INPP4A: variants seen among roughly 807,000 people sequenced by gnomAD.
The protein encoded by INPP4A is inositol polyphosphate-4-phosphatase type I A.
A neutral mutation model predicts 119.8 loss-of-function variants in INPP4A; 33 were observed. That is an observed-to-expected ratio of 0.28 (90% CI 0.21 to 0.37). The LOEUF is 0.37. Among genes scored for constraint, INPP4A ranks in the 10% least tolerant of loss-of-function variants. INPP4A has a pLI of 1.00. For synonymous variants in INPP4A, 496 were observed against 500.7 expected (o/e 0.99, Z 0.12); for missense variants, 956 against 1,289.9 (o/e 0.74, Z 3.97).
At chr2:98,556,548 A>T (rs2106245845) in intron 16 of INPP4A, among the ~76,000 whole-genome samples, 1 of 152,378 alleles carries the variant, frequency 6.6e-6, no homozygotes, top group South Asian at 2.1e-4. Flanking sequence ...TGTAAGAGCC[A>T]TAGAGTTACA....
At chr2:98,544,405 G>C (rs927907709) in intron 11 of INPP4A, among the ~76,000 whole-genome samples, 1 of 152,148 alleles carries the variant, frequency 6.6e-6, no homozygotes, top group Non-Finnish European at 1.5e-5. Context: ...TAGGCCACTC[G>C]CCTTGAAACA....
In INPP4A at chr2:98,481,385, C is replaced by T. The variant is rs115023871; in HGVS notation, c.-166+36300C>T. On this transcript the variant is annotated intron_variant, in intron 1 of 24. Transcript: ENST00000409851. ...CCAGTGGGGGCTTGGTCCCTTGGCA[C>T]GCATAAATCGACCACTCTTGGCAGC... Among the ~76,000 whole-genome samples, 796 of 152,250 alleles carry T rather than the reference C, an allele frequency of 5.2e-3. 12 individuals are homozygous for T. Among genetic ancestry groups the T allele is most frequent in the African/African-American group, 0.018 (738 of 41,534 alleles).
chr2:98,553,731 A>G (rs1445090677), intron 14 of INPP4A, among the ~76,000 whole-genome samples: 2 of 152,334 alleles, frequency 1.3e-5, no homozygotes, highest in Middle Eastern at 3.4e-3. Flanking sequence ...GAAAAGAAAG[A>G]TGTAGTTGTC....
rs138592220 is a variant in INPP4A at position 98,575,414 on chromosome 2, G to A, written c.2632-1575G>A. ...ATGTGTTTGGGTCATGAACTCTACAGCCCACAGAATTTAGTGCACATACCA... is the reference window on the plus strand; with the variant it reads ...ATGTGTTTGGGTCATGAACTCTACAACCCACAGAATTTAGTGCACATACCA... On this transcript the variant is annotated intron_variant, in intron 23 of 24. Transcript: ENST00000409851. 3.8e-3 allele frequency among the ~76,000 whole-genome samples: 586 copies of A among 152,326 alleles called. 4 individuals are homozygous for A. The highest frequency in any genetic ancestry group is 0.013 in the African/African-American group (549 of 41,574).
chr2:98,561,531 A>G (rs891377781), intron 17 of INPP4A, among the ~76,000 whole-genome samples: 12 of 152,216 alleles, frequency 7.9e-5, no homozygotes, highest in Non-Finnish European at 1.6e-4. Flanking sequence ...TTCCAGGACA[A>G]ACATCTTAGT....
At chr2:98,507,639 G>C (rs1684325916) in intron 1 of INPP4A, among the ~76,000 whole-genome samples, 1 of 152,118 alleles carries the variant, frequency 6.6e-6, no homozygotes, top group East Asian at 1.9e-4. Flanking sequence ...CATGCAGGCG[G>C]CCTCTGGTGG....
chr2:98,566,310 C>A lies in INPP4A; in HGVS notation c.2420+141C>A, dbSNP rs562202802. ...CTTTGGCCAACATTTTCATCATGGC[C>A]GTGCACCTCACTGTCTTTGGTGCTA... On this transcript the variant is annotated intron_variant, in intron 21 of 24. Coordinates refer to ENST00000409851, the MANE Select transcript of INPP4A (RefSeq NM_001134225.2). This position sits in a 1 kb window ranked among gnomAD's most constrained non-coding sequence, Gnocchi z 4.2. The A allele has an allele frequency of 8.5e-6, 8 of 939,654 alleles. No individual in the cohort carries two copies. Among genetic ancestry groups the A allele is most frequent in the Non-Finnish European group, 1.2e-5 (8 of 656,194 alleles). The allele number at this position is 939,654 out of a possible 1,614,324, so 58.2% of individuals were successfully genotyped here.
intron 24 of INPP4A, among the ~76,000 whole-genome samples, chr2:98,580,232 G>C (rs565942554): frequency 6.6e-6 from 1 of 151,718 alleles, no homozygotes; most frequent in Non-Finnish European, 1.5e-5. Flanking sequence ...TCAGACGGAA[G>C]AGTAGAGCAT....
intron 1 of INPP4A, among the ~76,000 whole-genome samples, chr2:98,476,259 G>T (rs1377630246): frequency 3.3e-5 from 5 of 152,324 alleles, no homozygotes; most frequent in African/African-American, 1.2e-4. Context: ...AGGGCCAGGT[G>T]TTGCCAGGAC....
chr2:98,555,832 A>G lies in INPP4A; in HGVS notation c.1822+24A>G, dbSNP rs749141539. On this transcript the variant is annotated intron_variant, in intron 16 of 24. Transcript: ENST00000409851. ...ACGTGCGTATGCATCCATGCTTCCC[A>G]TATGCTGCCTCCATTTCACCTTGTG... The G allele has an allele frequency of 8.5e-6, 13 of 1,535,298 alleles. No individual in the cohort carries two copies. In the East Asian group the frequency reaches 1.7e-4, roughly 20 times the overall value.
rs1700453640 is a variant in INPP4A, at chr2:98,592,634, TC to T, written c.*5028del. 1 of 152,248 alleles carries T rather than the reference TC, an allele frequency of 6.6e-6. No homozygotes were observed. The highest frequency in any genetic ancestry group is 1.5e-5 in the Non-Finnish European group (1 of 68,050). 9.4% of individuals were successfully genotyped at this position (152,248 alleles called of 1,614,324 possible). Reference sequence around the variant, plus strand: ...TATGCTGACCAAAAAGATCTTTCATTCCTGTGAACACCAAGCAGCGCGGCCT... The same window carrying T: ...TATGCTGACCAAAAAGATCTTTCATTCTGTGAACACCAAGCAGCGCGGCCT... On this transcript the variant is annotated 3_prime_UTR_variant, in exon 25 of 25. Coordinates refer to ENST00000409851, the MANE Select transcript of INPP4A (RefSeq NM_001134225.2).
At position 98,569,731 on chromosome 2, in the gene INPP4A, G is replaced by C. The variant is rs1369753150; in HGVS notation, c.2518+1063G>C. On this transcript the variant is annotated intron_variant, in intron 22 of 24. Coordinates refer to ENST00000409851, the MANE Select transcript of INPP4A (RefSeq NM_001134225.2). The surrounding 1 kb of genome is among the most constrained non-coding windows in gnomAD (Gnocchi z 5.1). ...CCCATGTGCTTGGATTGTGGCTGAA[G>C]CCGTCCTGCTAGGAGAGAGTGATGC... 1 of 152,292 alleles carries C rather than the reference G, an allele frequency of 6.6e-6. No homozygotes were observed. The highest frequency in any genetic ancestry group is 1.9e-4 in the East Asian group (1 of 5,204). The allele number at this position is 152,292 out of a possible 1,614,324, so 9.4% of individuals were successfully genotyped here.
intron 4 of INPP4A, among the ~76,000 whole-genome samples, chr2:98,533,061 G>A (rs187140020): frequency 3.2e-4 from 48 of 152,286 alleles, no homozygotes; most frequent in Admixed American, 2.1e-3. Flanking sequence ...AATAGTTACC[G>A]AGGTCGGACT....
chr2:98,539,613 C>G lies in INPP4A; in HGVS notation c.756C>G (p.Ser252Arg). ...HLRILEQMAESVLSLHVPRQF... is the reference protein window; with the variant it reads ...HLRILEQMAERVLSLHVPRQF... ...GGATCCTGGAGCAGATGGCAGAGAGCGTGCTCTCCCTGCACGTGCCCCGGC... is the reference window on the plus strand; with the variant it reads ...GGATCCTGGAGCAGATGGCAGAGAGGGTGCTCTCCCTGCACGTGCCCCGGC... Residue 252 changes from serine to arginine, a missense_variant, in exon 10 of 25, where the codon AGC becomes AGG. Ser to Arg is a moderately radical substitution (Grantham distance 110, BLOSUM62 -1). Around this residue, in one of 2 missense-constraint regions of INPP4A, gnomAD observed 652 missense variants for 797.9 expected, o/e 0.82. Coordinates refer to ENST00000409851, the MANE Select transcript of INPP4A (RefSeq NM_001134225.2). 1 of 1,611,850 alleles carries G rather than the reference C, an allele frequency of 6.2e-7. No homozygotes were observed. Among genetic ancestry groups the G allele is most frequent in the Non-Finnish European group, 8.5e-7 (1 of 1,178,926 alleles).
At chr2:98,568,424 A>G (rs959942275) in intron 21 of INPP4A, 147 bp from the exon 22 acceptor site, 3 of 611,802 alleles carry the variant, frequency 4.9e-6, no homozygotes, top group African/African-American at 1.9e-5. Context: ...AAATGCCTTT[A>G]TGCTCGGAAG....
chr2:98,507,164 G>A (rs1156290564), intron 1 of INPP4A, among the ~76,000 whole-genome samples: 1 of 152,202 alleles, frequency 6.6e-6, no homozygotes, highest in Non-Finnish European at 1.5e-5. Context: ...GCTGGGTGAC[G>A]GTAGAGGATG....
intron 9 of INPP4A, 76 bp from the exon 10 acceptor site, chr2:98,539,451 GC>G: frequency 6.7e-7 from 1 of 1,493,430 alleles, no homozygotes. Flanking sequence ...ATCCCTGAGG[GC>G]CGGGGGAGGA....
chr2:98,483,812 G>A (rs1678989956), intron 1 of INPP4A, among the ~76,000 whole-genome samples: 1 of 152,106 alleles, frequency 6.6e-6, no homozygotes, highest in Non-Finnish European at 1.5e-5. Flanking sequence ...GGCTAGCCAA[G>A]GTTGCACATT....
At chr2:98,462,142 T>C (rs1358437681) in intron 1 of INPP4A, among the ~76,000 whole-genome samples, 1 of 152,244 alleles carries the variant, frequency 6.6e-6, no homozygotes, top group Non-Finnish European at 1.5e-5. Context: ...GTAAGGCACA[T>C]GTCTCTAAAA....
Sources: allele counts gnomAD v4.1 joint callset (sites outside exome capture counted in the v4.1 genomes callset), GRCh38; gene constraint gnomAD v4.1.1; regional missense constraint gnomAD v4.1.1; non-coding constraint Gnocchi (gnomAD v3.1); transcripts MANE v1.5; gene names NCBI Gene and HGNC (gene_info 2026-07-23, HGNC 2026-07-21).